The following CHST9 variants were observed in gnomAD, a reference collection of about 807,000 sequenced individuals.
CHST9 encodes carbohydrate sulfotransferase 9.
A neutral mutation model predicts 44.4 loss-of-function variants in CHST9; 41 were observed. The observed-to-expected ratio is 0.92, with a 90% CI of 0.72 to 1.20. The LOEUF is 1.20. Ranked by LOEUF, CHST9 falls within the 50% of genes most tolerant of loss-of-function variation. The probability of loss-of-function intolerance (pLI) is 0.00; values close to 1 mark genes in which losing one functional copy is unlikely to be tolerated. For synonymous variants in CHST9, 171 were observed against 178.4 expected (o/e 0.96, Z 0.33); for missense variants, 504 against 516.5 (o/e 0.98, Z 0.23).
chr18:26,959,297 C>T (rs2056369590), intron 4 of CHST9, among the ~76,000 whole-genome samples: 1 of 152,032 alleles, frequency 6.6e-6, no homozygotes, highest in African/African-American at 2.4e-5. Context: ...TGGAAACAAT[C>T]GACACTGAAG....
At chr18:27,079,983 C>G (rs76003729) in intron 2 of CHST9, among the ~76,000 whole-genome samples, 1 of 152,066 alleles carries the variant, frequency 6.6e-6, no homozygotes, top group Non-Finnish European at 1.5e-5. Flanking sequence ...TCTGCAAAGC[C>G]CTTTTTCCCA....
chr18:27,096,633 C>T (rs772798570), intron 2 of CHST9, among the ~76,000 whole-genome samples: 2 of 151,670 alleles, frequency 1.3e-5, no homozygotes, highest in Non-Finnish European at 3.0e-5. Context: ...ACAAAAGATC[C>T]GTAGAGAGTA....
rs1489712289 is a variant in CHST9, at chr18:26,916,765, C to A, written c.826G>T (p.Ala276Ser). The A allele has an allele frequency of 2.5e-6, 4 of 1,613,868 alleles. No homozygotes were observed. The highest frequency in any genetic ancestry group is 3.4e-6 in the Non-Finnish European group (4 of 1,179,832). The change falls in exon 6 of 6, where the codon GCT becomes TCT. Residue 276 changes from alanine (A) to serine (S), a missense_variant. Coordinates refer to ENST00000618847, the MANE Select transcript of CHST9 (RefSeq NM_031422.6). ...TCCATGGGATCACGAACAAACACAG[C>A]TTTGGTGTAAGTATTTAAGCGGGTA... ...IYTRLNTYTKAVFVRDPMERL... is the reference protein window; with the variant it reads ...IYTRLNTYTKSVFVRDPMERL...
chr18:27,132,300 T>A (rs546364906), intron 2 of CHST9, among the ~76,000 whole-genome samples: 1 of 152,368 alleles, frequency 6.6e-6, no homozygotes, highest in African/African-American at 2.4e-5. Flanking sequence ...GATGATCCAC[T>A]GTTTTATTCA....
intron 1 of CHST9, among the ~76,000 whole-genome samples, chr18:27,146,515 T>C (rs1195628008): frequency 6.6e-6 from 1 of 152,180 alleles, no homozygotes; most frequent in Non-Finnish European, 1.5e-5. Context: ...TATATCTATC[T>C]CCAAGCCTGC....
At chr18:27,110,581 C>T (rs1289094372) in intron 2 of CHST9, among the ~76,000 whole-genome samples, 1 of 152,148 alleles carries the variant, frequency 6.6e-6, no homozygotes, top group Admixed American at 6.5e-5. Context: ...CCAGCAAGGC[C>T]TCAGTTGTTT....
rs570764432 is a variant in CHST9, at chr18:27,183,523, T to C, written c.-97+1613A>G. Among the ~76,000 whole-genome samples the C allele has an allele frequency of 7.2e-5, 11 of 152,260 alleles. No homozygotes were observed. In the East Asian group the frequency reaches 1.4e-3, roughly 19 times the overall value. On this transcript the variant is annotated intron_variant, in intron 1 of 5. Transcript: ENST00000618847. ...CATTTTCTGGAGGACGGTACTGTAATGAAGGGGATAAAAACCAAATGAGGT... is the reference window on the plus strand; with the variant it reads ...CATTTTCTGGAGGACGGTACTGTAACGAAGGGGATAAAAACCAAATGAGGT...
At chr18:27,105,906 G>T (rs2058217032) in intron 2 of CHST9, among the ~76,000 whole-genome samples, 1 of 152,240 alleles carries the variant, frequency 6.6e-6, no homozygotes, top group Middle Eastern at 3.4e-3. Context: ...TCCTTCAAAT[G>T]TAGGAAGTTG....
At chr18:27,144,398 G>A (rs926933269) in intron 1 of CHST9, among the ~76,000 whole-genome samples, 2 of 152,180 alleles carry the variant, frequency 1.3e-5, no homozygotes, top group African/African-American at 4.8e-5. Context: ...CAATTTTCAG[G>A]GCTGGCGAGG....
rs189108021 is a variant in CHST9, at chr18:27,097,470, C to A, written c.121+45219G>T. 1.7e-3 allele frequency among the ~76,000 whole-genome samples: 258 copies of A among 152,064 alleles called. 1 individual carries two copies. Among genetic ancestry groups the A allele is most frequent in the African/African-American group, 6.0e-3 (250 of 41,538 alleles). On this transcript the variant is annotated intron_variant, in intron 2 of 5. Coordinates refer to ENST00000618847, the MANE Select transcript of CHST9 (RefSeq NM_031422.6). ...AAATCCAACTATCTCTCTTTGTAGA[C>A]AACATGATTCTATACTTAAAAAACA...
At chr18:27,028,827 C>T (rs2057310744) in intron 3 of CHST9, among the ~76,000 whole-genome samples, 1 of 151,950 alleles carries the variant, frequency 6.6e-6, no homozygotes, top group African/African-American at 2.4e-5. Flanking sequence ...GGATTACAGG[C>T]GCGAGCCACT....
intron 4 of CHST9, among the ~76,000 whole-genome samples, chr18:26,964,657 C>T (rs1270362996): frequency 1.3e-5 from 2 of 152,226 alleles, no homozygotes; most frequent in Admixed American, 6.5e-5. Flanking sequence ...CATTGCCTTC[C>T]CACCTCCAGC....
intron 1 of CHST9, among the ~76,000 whole-genome samples, chr18:27,144,022 C>A (rs964907219): frequency 6.6e-6 from 1 of 152,176 alleles, no homozygotes; most frequent in East Asian, 1.9e-4. Context: ...CAATGAACTG[C>A]CACACAAGTA....
chr18:26,976,760 G>A (rs2056628201), intron 4 of CHST9, among the ~76,000 whole-genome samples: 1 of 152,108 alleles, frequency 6.6e-6, no homozygotes, highest in South Asian at 2.1e-4. Flanking sequence ...AGGCCACAGT[G>A]AGGAAAGGAA....
At chr18:26,918,587 G>A (rs188634590) in intron 5 of CHST9, among the ~76,000 whole-genome samples, 3 of 151,970 alleles carry the variant, frequency 2.0e-5, no homozygotes, top group Admixed American at 2.0e-4. Flanking sequence ...TGTCTAGAAT[G>A]GTCTACAGCC....
At chr18:26,927,680 T>C (rs2145076986) in intron 5 of CHST9, among the ~76,000 whole-genome samples, 1 of 152,146 alleles carries the variant, frequency 6.6e-6, no homozygotes, top group Middle Eastern at 3.4e-3. Flanking sequence ...TCTCAGTAGA[T>C]GGAATATACC....
chr18:26,947,159 T>A (rs1157216146), intron 4 of CHST9, among the ~76,000 whole-genome samples: 3 of 152,230 alleles, frequency 2.0e-5, no homozygotes, highest in African/African-American at 4.8e-5. Context: ...GGGCATGGAA[T>A]GTTTTTCCAT....
chr18:27,102,742 C>G (rs2058186316), intron 2 of CHST9, among the ~76,000 whole-genome samples: 1 of 152,184 alleles, frequency 6.6e-6, no homozygotes, highest in Non-Finnish European at 1.5e-5. Context: ...CAGGCAGGTT[C>G]TCAACTACAG....
At chr18:26,925,440 G>A (rs2055748013) in intron 5 of CHST9, among the ~76,000 whole-genome samples, 1 of 152,224 alleles carries the variant, frequency 6.6e-6, no homozygotes. Flanking sequence ...TATTGCTGGA[G>A]CTGGTGTCTC....
Sources: gnomAD v4.1 joint callset for allele counts (sites outside exome capture counted in the v4.1 genomes callset) on GRCh38, gnomAD v4.1.1 for gene constraint, MANE v1.5 for transcripts, NCBI Gene and HGNC (gene_info 2026-07-23, HGNC 2026-07-21) for gene names.